Variants in RHOG observed in about 807,000 individuals in gnomAD.
RHOG encodes ras homolog family member G.
Under a neutral mutation model 12.3 loss-of-function variants are expected in RHOG, and 1 was observed. The observed-to-expected ratio is 0.08, with a 90% CI of 0.03 to 0.39. The LOEUF (loss-of-function observed/expected upper bound fraction) is 0.39. RHOG is among the 10% of genes least tolerant of loss of function. The probability of loss-of-function intolerance (pLI) is 0.99; values close to 1 mark genes in which losing one functional copy is unlikely to be tolerated. For synonymous variants in RHOG, 129 were observed against 116.0 expected (o/e 1.11, Z -0.72); for missense variants, 114 against 266.2 (o/e 0.43, Z 3.98).
chr11:3,827,402 C>T lies in RHOG; in HGVS notation c.*161G>A. 1 of 621,812 alleles carries T rather than the reference C, an allele frequency of 1.6e-6. No individual in the cohort carries two copies. Among genetic ancestry groups the T allele is most frequent in the Non-Finnish European group, 2.8e-6 (1 of 356,392 alleles). The allele number at this position is 621,812 out of a possible 1,614,324, so 38.5% of individuals were successfully genotyped here. On this transcript the variant is annotated 3_prime_UTR_variant, in exon 2 of 2. Coordinates refer to ENST00000351018, the MANE Select transcript of RHOG (RefSeq NM_001665.4). The surrounding 1 kb of genome is among the most constrained non-coding windows in gnomAD (Gnocchi z 7.3). ...AGCCCAAAGCCCCTTTCTCTGCAGGCCTCCTTAAGGAGAAAAAGGCACTCA... is the reference window on the plus strand; with the variant it reads ...AGCCCAAAGCCCCTTTCTCTGCAGGTCTCCTTAAGGAGAAAAAGGCACTCA...
intron 1 of RHOG, among the ~76,000 whole-genome samples, chr11:3,836,111 G>C (rs1013599345): frequency 6.6e-6 from 1 of 151,438 alleles, no homozygotes; most frequent in African/African-American, 2.4e-5. Flanking sequence ...CCAGCACTTT[G>C]GGAGGCCAAG....
intron 1 of RHOG, among the ~76,000 whole-genome samples, chr11:3,828,871 T>C (rs577855569): frequency 2.4e-3 from 365 of 152,058 alleles, no homozygotes; most frequent in African/African-American, 3.7e-3. Flanking sequence ...CCGCCCGCCT[T>C]GGCCTCCTAA....
intron 1 of RHOG, among the ~76,000 whole-genome samples, chr11:3,836,365 A>AAAC (rs1268051463): frequency 9.9e-6 from 1 of 100,928 alleles, no homozygotes; most frequent in Non-Finnish European, 2.5e-5. Flanking sequence ...TCCAAAAAAA[A>AAAC]AAAAAAAAGA....
At chr11:3,831,056 C>T (rs186432846) in intron 1 of RHOG, among the ~76,000 whole-genome samples, 40 of 152,216 alleles carry the variant, frequency 2.6e-4, no homozygotes, top group African/African-American at 9.2e-4. Flanking sequence ...CTGAGTATTC[C>T]TTATCCCTGG....
intron 1 of RHOG, among the ~76,000 whole-genome samples, chr11:3,840,344 C>G (rs932682711): frequency 6.6e-6 from 1 of 152,058 alleles, no homozygotes; most frequent in Non-Finnish European, 1.5e-5. Flanking sequence ...CCCACCCAAC[C>G]CGGGTCCTCC....
chr11:3,839,907 T>C (rs1318467728), intron 1 of RHOG, among the ~76,000 whole-genome samples: 1 of 151,818 alleles, frequency 6.6e-6, no homozygotes, highest in Non-Finnish European at 1.5e-5. Flanking sequence ...AAGACGAACA[T>C]GGGGCAGGGT....
At chr11:3,839,329 C>T (rs1856642159) in intron 1 of RHOG, among the ~76,000 whole-genome samples, 1 of 152,160 alleles carries the variant, frequency 6.6e-6, no homozygotes, top group Non-Finnish European at 1.5e-5. Flanking sequence ...CCTACCCTGA[C>T]TGCTACAAAC....
Position 3,827,777 on chromosome 11 carries a change from G to C in RHOG, c.362C>G (p.Ala121Gly), listed in dbSNP as rs550604403. The C allele has an allele frequency of 2.5e-6, 4 of 1,613,824 alleles. No individual in the cohort carries two copies. Residue 121 changes from alanine to glycine, a missense_variant, in exon 2 of 2, where the codon GCC becomes GGC. By Grantham distance (60) the Ala-to-Gly change is moderately conservative (BLOSUM62 0). Around this residue, in one of 2 missense-constraint regions of RHOG, gnomAD observed 61 missense variants for 101.4 expected, o/e 0.60. Transcript: ENST00000351018. This position sits in a 1 kb window ranked among gnomAD's most constrained non-coding sequence, Gnocchi z 7.3. ...LLVGTKKDLR[A>G]QPDTLRRLKE... is the part of the protein sequence containing the mutation. ...GAGGCGCCGTAGGGTGTCAGGCTGG[G>C]CTCTCAGGTCCTTCTTGGTGCCCAC...
At chr11:3,838,425 T>C (rs777212019) in intron 1 of RHOG, among the ~76,000 whole-genome samples, 2 of 152,244 alleles carry the variant, frequency 1.3e-5, no homozygotes, top group Non-Finnish European at 2.9e-5. Context: ...AAGTAACTAC[T>C]GGTTTGCCAG....
rs1159987914 is a variant in RHOG, at chr11:3,828,125, T to C, written c.14A>G (p.Lys5Arg). Residue 5 changes from lysine (K) to arginine (R), a missense_variant, in exon 2 of 2, where the codon AAG (lysine) becomes AGG (arginine). Lys to Arg is a conservative substitution (Grantham distance 26, BLOSUM62 2). This residue lies in a region of RHOG where 53 missense variants were observed against 164.8 expected (regional missense o/e 0.32). Transcript: ENST00000351018. MQSIKCVVVGDGAVG... is the reference protein window; with the variant it reads MQSIRCVVVGDGAVG... The stretch of plus-strand genomic sequence containing the variant: ...AGCCCCATCACCCACCACCACGCAC[T>C]TGATGCTCTGCATCGTGGGTGCAGT... 2.5e-6 allele frequency: 4 copies of C among 1,613,160 alleles called. No individual in the cohort carries two copies. The highest frequency in any genetic ancestry group is 1.3e-5 in the African/African-American group (1 of 74,922).
At chr11:3,839,839 G>T (rs1177130898) in intron 1 of RHOG, among the ~76,000 whole-genome samples, 1 of 152,156 alleles carries the variant, frequency 6.6e-6, no homozygotes, top group African/African-American at 2.4e-5. Flanking sequence ...ACCAGGAGGT[G>T]CATGTGTGTG....
intron 1 of RHOG, among the ~76,000 whole-genome samples, chr11:3,834,706 G>T (rs1003378800): frequency 6.6e-6 from 1 of 152,244 alleles, no homozygotes; most frequent in Non-Finnish European, 1.5e-5. Context: ...CCAGAATGGG[G>T]GAGGGAAAGG....
At position 3,827,074 on chromosome 11, in the gene RHOG, C is replaced by T; in HGVS notation, c.*489G>A. 1 of 169,052 alleles carries T rather than the reference C, an allele frequency of 5.9e-6. No individual in the cohort carries two copies. The highest frequency in any genetic ancestry group is 1.3e-5 in the Non-Finnish European group (1 of 77,376). The allele number at this position is 169,052 out of a possible 1,614,324, so 10.5% of individuals were successfully genotyped here. A position where few individuals can be genotyped will look rare whatever the true frequency, so the allele number is the denominator to read the frequency against. On this transcript the variant is annotated 3_prime_UTR_variant, in exon 2 of 2. Transcript: ENST00000351018. This position sits in a 1 kb window ranked among gnomAD's most constrained non-coding sequence, Gnocchi z 7.3. ...AGTCAGCAAATGCGTAAGGCCTAGG[C>T]ACAGAGGAGCAGGTTAGGGCACATT...
intron 1 of RHOG, among the ~76,000 whole-genome samples, chr11:3,839,236 G>A (rs773751224): frequency 1.3e-5 from 2 of 152,030 alleles, no homozygotes; most frequent in Non-Finnish European, 2.9e-5. Flanking sequence ...CGGCTTCTAG[G>A]CCTGGCCTCT....
At chr11:3,829,076 G>A (rs2090110710) in intron 1 of RHOG, among the ~76,000 whole-genome samples, 1 of 151,806 alleles carries the variant, frequency 6.6e-6, no homozygotes, top group African/African-American at 2.4e-5. Flanking sequence ...ACTCTGTGAT[G>A]CAGCCATAAG....
rs754937488 is a variant in RHOG at position 3,828,124 on chromosome 11, C to T, written c.15G>A (p.Lys5=). The change falls in exon 2 of 2, where the codon AAG becomes AAA. Residue 5 remains lysine, a synonymous_variant. Coordinates refer to ENST00000351018, the MANE Select transcript of RHOG (RefSeq NM_001665.4). Reference sequence around the variant, plus strand: ...CAGCCCCATCACCCACCACCACGCACTTGATGCTCTGCATCGTGGGTGCAG... The same window carrying T: ...CAGCCCCATCACCCACCACCACGCATTTGATGCTCTGCATCGTGGGTGCAG... The part of the protein sequence containing the change: MQSI[K]CVVVGDGAVG... 1.3e-5 allele frequency: 21 copies of T among 1,613,232 alleles called. No homozygotes were observed. In the Admixed American group the frequency reaches 3.3e-4, roughly 26 times the overall value.
At chr11:3,832,222 A>AT (rs2090133958) in intron 1 of RHOG, among the ~76,000 whole-genome samples, 1 of 152,230 alleles carries the variant, frequency 6.6e-6, no homozygotes, top group African/African-American at 2.4e-5. Flanking sequence ...TTTGACCTTT[A>AT]TAACAACCTG....
chr11:3,833,794 C>T (rs1182165562), intron 1 of RHOG, among the ~76,000 whole-genome samples: 1 of 152,218 alleles, frequency 6.6e-6, no homozygotes, highest in African/African-American at 2.4e-5. Flanking sequence ...CCTCTGCAAA[C>T]AAGCCAGGAT....
intron 1 of RHOG, among the ~76,000 whole-genome samples, chr11:3,828,609 A>G (rs1246143981): frequency 1.3e-5 from 2 of 150,748 alleles, no homozygotes; most frequent in Non-Finnish European, 2.9e-5. Flanking sequence ...TGCCTCGTCC[A>G]CAAGTATTAG....
Sources: gnomAD v4.1 joint callset for allele counts (sites outside exome capture counted in the v4.1 genomes callset) on GRCh38, gnomAD v4.1.1 for gene constraint, gnomAD v4.1.1 regional missense constraint, Gnocchi (gnomAD v3.1) non-coding constraint, MANE v1.5 for transcripts, NCBI Gene and HGNC (gene_info 2026-07-23, HGNC 2026-07-21) for gene names.